Variants in MPC2 observed in about 807,000 individuals in gnomAD.
MPC2 encodes the protein brain protein 44.
Under a neutral mutation model 19.2 loss-of-function variants are expected in MPC2, and 19 were observed. The ratio of observed to expected loss-of-function variants is 0.99; its 90% confidence interval spans 0.69 to 1.45. MPC2 has a LOEUF of 1.45. Among genes scored for constraint, MPC2 ranks in the 40% most tolerant of loss-of-function variants. The pLI, the probability that MPC2 is intolerant of heterozygous loss-of-function variation, is 0.00. For missense variants in MPC2, 122 were observed against 153.0 expected (o/e 0.80, Z 1.07); for synonymous variants, 61 against 54.3 (o/e 1.12, Z -0.54).
At chr1:167,921,578 G>GTGTTTTTAACAC (rs1360967181) in intron 3 of MPC2, among the ~76,000 whole-genome samples, 1 of 152,012 alleles carries the variant, frequency 6.6e-6, no homozygotes, top group East Asian at 1.9e-4. Context: ...TTTCTCTTCT[G>GTGTTTTTAACAC]TGTTTTTAAC....
chr1:167,918,253 T>C lies in MPC2; in HGVS notation c.*70A>G. 3 of 1,274,002 alleles carry C rather than the reference T, an allele frequency of 2.4e-6. No homozygotes were observed. Among genetic ancestry groups the C allele is most frequent in the East Asian group, 2.4e-5 (1 of 42,262 alleles). 78.9% of individuals were successfully genotyped at this position (1,274,002 alleles called of 1,614,324 possible). A position where few individuals can be genotyped will look rare whatever the true frequency, so the allele number is the denominator to read the frequency against. On this transcript the variant is annotated 3_prime_UTR_variant, in exon 6 of 6. Coordinates refer to ENST00000271373, the MANE Select transcript of MPC2 (RefSeq NM_001143674.4). The stretch of plus-strand genomic sequence containing the variant: ...CACACAGTTAGCTTTGCTTTATCAA[T>C]AACCAAATAATAAACTAGGTCCCAA...
At chr1:167,931,013 C>T (rs971435801) in intron 2 of MPC2, among the ~76,000 whole-genome samples, 2 of 152,212 alleles carry the variant, frequency 1.3e-5, no homozygotes, top group Non-Finnish European at 2.9e-5. Context: ...CTCACTGCAA[C>T]CTCCATCTTC....
At position 167,917,035 on chromosome 1, in the gene MPC2, T is replaced by C. The variant is rs114906453; in HGVS notation, c.*1288A>G. On this transcript the variant is annotated 3_prime_UTR_variant, in exon 6 of 6. Transcript: ENST00000271373. ...ATAGGTTATAGTATTACTCAAAAAG[T>C]TGTTTTGTCTCATTTCTTCAAATTT... 317 of 152,360 alleles carry C rather than the reference T, an allele frequency of 2.1e-3. 2 individuals carry two copies. The highest frequency in any genetic ancestry group is 7.1e-3 in the African/African-American group (296 of 41,594). 9.4% of individuals were successfully genotyped at this position (152,360 alleles called of 1,614,324 possible). A position where few individuals can be genotyped will look rare whatever the true frequency, so the allele number is the denominator to read the frequency against.
Position 167,925,453 on chromosome 1 carries a change from A to G in MPC2, c.110-916T>C, listed in dbSNP as rs1442611486. Among the ~76,000 whole-genome samples, 64 of 110,602 alleles carry G rather than the reference A, an allele frequency of 5.8e-4. 1 individual carries two copies. The highest frequency in any genetic ancestry group is 2.4e-3 in the African/African-American group (63 of 26,306). 72.6% of individuals were successfully genotyped at this position (110,602 alleles called of 152,430 possible). ...GATATACATATACACATATATATAT[A>G]TATATATATATATATATATATACAT... On this transcript the variant is annotated intron_variant, in intron 2 of 5. Transcript: ENST00000271373.
chr1:167,920,139 A>G (rs1182492569), intron 4 of MPC2, 49 bp from the exon 5 acceptor site: 1 of 1,149,642 alleles, frequency 8.7e-7, no homozygotes, highest in Non-Finnish European at 1.3e-6. Flanking sequence ...TGCTTCAATA[A>G]CTTCAGTGAA....
intron 5 of MPC2, among the ~76,000 whole-genome samples, chr1:167,919,050 T>A (rs1670537878): frequency 6.6e-6 from 1 of 152,234 alleles, no homozygotes; most frequent in African/African-American, 2.4e-5. Flanking sequence ...AATTTTAAAA[T>A]TTATACTCGC....
intron 2 of MPC2, among the ~76,000 whole-genome samples, chr1:167,933,826 A>G (rs1298716012): frequency 2.0e-5 from 3 of 152,238 alleles, no homozygotes; most frequent in Non-Finnish European, 2.9e-5. Flanking sequence ...CTGCTGTAAT[A>G]GATATCCTTA....
intron 3 of MPC2, among the ~76,000 whole-genome samples, chr1:167,921,257 C>CT (rs1670593850): frequency 1.3e-5 from 2 of 151,148 alleles, no homozygotes; most frequent in African/African-American, 4.9e-5. Flanking sequence ...CAGTCTCACT[C>CT]TGTCACCCAG....
rs557673463 is a variant in MPC2 at position 167,924,515 on chromosome 1, C to T, written c.132G>A (p.Trp44Ter). 2 of 1,579,740 alleles carry T rather than the reference C, an allele frequency of 1.3e-6. No homozygotes were observed. The highest frequency in any genetic ancestry group is 1.4e-5 in the African/African-American group (1 of 72,282). ...GACTTACCCATTTCATAATTGGAGC[C>T]CAGAAGAAAACTGTTCTGGGACCTG... ...HPAGPRTVFF[W>*]APIMKWGLVC... Residue 44 changes from tryptophan (W) to a stop codon, truncating the protein, a stop_gained, in exon 3 of 6, where the codon TGG (tryptophan) becomes TGA (stop). Coordinates refer to ENST00000271373, the MANE Select transcript of MPC2 (RefSeq NM_001143674.4). LOFTEE classifies it high-confidence loss of function.
intron 2 of MPC2, among the ~76,000 whole-genome samples, chr1:167,933,563 A>C (rs1359928176): frequency 6.6e-6 from 1 of 152,244 alleles, no homozygotes; most frequent in Non-Finnish European, 1.5e-5. Context: ...TCCAACTGTT[A>C]ATATTGTAGC....
At chr1:167,933,376 A>T (rs1670968999) in intron 2 of MPC2, among the ~76,000 whole-genome samples, 1 of 152,168 alleles carries the variant, frequency 6.6e-6, no homozygotes, top group Non-Finnish European at 1.5e-5. Flanking sequence ...CATGTTGGTC[A>T]GGCTGGTCTC....
At chr1:167,935,710 A>C (rs748379648) in intron 2 of MPC2, 23 bp downstream of exon 2, 4 of 1,538,018 alleles carry the variant, frequency 2.6e-6, no homozygotes, top group Non-Finnish European at 3.5e-6. Context: ...GGTCTCGATA[A>C]GGAGCCATTC....
At chr1:167,923,671 T>C (rs1243126579) in intron 3 of MPC2, among the ~76,000 whole-genome samples, 1 of 151,812 alleles carries the variant, frequency 6.6e-6, no homozygotes, top group Non-Finnish European at 1.5e-5. Context: ...ATGGTTCAGA[T>C]AGTAAGTTTT....
chr1:167,928,212 G>A (rs35304195), intron 2 of MPC2, among the ~76,000 whole-genome samples: 2 of 151,944 alleles, frequency 1.3e-5, no homozygotes, highest in Middle Eastern at 3.2e-3. Context: ...GCTGCGCGTG[G>A]TGGCAGGCGG....
At chr1:167,921,230 A>AT (rs779863933) in intron 3 of MPC2, among the ~76,000 whole-genome samples, 99 of 143,882 alleles carry the variant, frequency 6.9e-4, no homozygotes, top group South Asian at 1.8e-3. Flanking sequence ...TGGTTAGATC[A>AT]TTTTTTTTTT....
At chr1:167,924,642 A>G in intron 2 of MPC2, 105 bp from the exon 3 acceptor site, 1 of 774,500 alleles carries the variant, frequency 1.3e-6, no homozygotes. Flanking sequence ...TTATCAACCT[A>G]TTTTTAACCA....
Position 167,937,067 on chromosome 1 carries a change from C to T in MPC2, c.-186G>A, listed in dbSNP as rs184103919. 6,739 of 1,437,062 alleles carry T rather than the reference C, an allele frequency of 4.7e-3. 17 individuals carry two copies. Among genetic ancestry groups the T allele is most frequent in the Non-Finnish European group, 5.9e-3 (6,134 of 1,038,384 alleles). 89.0% of individuals were successfully genotyped at this position (1,437,062 alleles called of 1,614,324 possible). A position where few individuals can be genotyped will look rare whatever the true frequency, so the allele number is the denominator to read the frequency against. On this transcript the variant is annotated 5_prime_UTR_variant, in exon 1 of 6. Transcript: ENST00000271373. ...TCGCCGCCTAGAGTGGGGGAGGGGG[C>T]ACGCTGCCGGGTCTGTTGGAGGTGG...
intron 2 of MPC2, among the ~76,000 whole-genome samples, chr1:167,934,447 T>C (rs554364250): frequency 5.9e-5 from 9 of 152,252 alleles, no homozygotes; most frequent in Non-Finnish European, 7.4e-5. Flanking sequence ...TCCAAAAAAA[T>C]TGAATGTTAA....
intron 2 of MPC2, among the ~76,000 whole-genome samples, chr1:167,926,168 T>C (rs539354909): frequency 6.4e-4 from 97 of 152,374 alleles, no homozygotes; most frequent in African/African-American, 1.6e-3. Context: ...TTACATTTTC[T>C]TGTGTACGTT....
Sources: gnomAD v4.1 joint callset for allele counts (sites outside exome capture counted in the v4.1 genomes callset) on GRCh38, gnomAD v4.1.1 for gene constraint, MANE v1.5 for transcripts, NCBI Gene and HGNC (gene_info 2026-07-23, HGNC 2026-07-21) for gene names.